Variants in CNTNAP2 observed in about 807,000 individuals in gnomAD.
CNTNAP2 encodes the protein contactin associated protein 2.
A neutral mutation model predicts 155.2 loss-of-function variants in CNTNAP2; 98 were observed. The observed-to-expected ratio is 0.63, with a 90% CI of 0.54 to 0.75. CNTNAP2 has a LOEUF of 0.75. CNTNAP2 is among the 30% of genes least tolerant of loss of function. The pLI, the probability that CNTNAP2 is intolerant of heterozygous loss-of-function variation, is 0.00. For synonymous variants in CNTNAP2, 651 were observed against 631.2 expected, an observed-to-expected ratio of 1.03 and a Z score of -0.47; for missense variants, 1,727 against 1,688.1, an observed-to-expected ratio of 1.02 and a Z score of -0.40.
At chr7:147,037,186 C>G (rs1221440681) in intron 3 of CNTNAP2, among the ~76,000 whole-genome samples, 1 of 151,794 alleles carries the variant, frequency 6.6e-6, no homozygotes. Context: ...AATATGAACA[C>G]TATATTAGAT....
chr7:148,022,694 C>CT (rs34120067), intron 15 of CNTNAP2, among the ~76,000 whole-genome samples: 64,700 of 143,678 alleles, frequency 0.45, 15,360 homozygotes, highest in African/African-American at 0.66. Context: ...TTTTAGTTTG[C>CT]TTTTTTGTTT....
chr7:147,191,983 G>A (rs905631697), intron 8 of CNTNAP2, among the ~76,000 whole-genome samples: 1 of 152,190 alleles, frequency 6.6e-6, no homozygotes, highest in Non-Finnish European at 1.5e-5. Context: ...GGAGTGGGGA[G>A]TGTATATTGT....
At chr7:148,010,876 C>T (rs1376817467) in intron 15 of CNTNAP2, among the ~76,000 whole-genome samples, 1 of 152,080 alleles carries the variant, frequency 6.6e-6, no homozygotes, top group Non-Finnish European at 1.5e-5. Flanking sequence ...GCACAAATTT[C>T]ATACTGTGCT....
At chr7:147,312,029 TG>T (rs1795136718) in intron 9 of CNTNAP2, among the ~76,000 whole-genome samples, 1 of 152,140 alleles carries the variant, frequency 6.6e-6, no homozygotes, top group East Asian at 1.9e-4. Context: ...TCTGGTTCTG[TG>T]GCTTGTTTTC....
At chr7:147,899,657 G>A (rs1033985955) in intron 13 of CNTNAP2, among the ~76,000 whole-genome samples, 2 of 152,062 alleles carry the variant, frequency 1.3e-5, no homozygotes, top group Admixed American at 6.5e-5. Flanking sequence ...GGCCAAGGCG[G>A]GTGGATCACC....
chr7:146,964,744 T>C (rs559273435), intron 3 of CNTNAP2, among the ~76,000 whole-genome samples: 2 of 152,314 alleles, frequency 1.3e-5, no homozygotes, highest in South Asian at 2.1e-4. Flanking sequence ...ACAAGTATTG[T>C]AGGCTTTATC....
Position 148,118,298 on chromosome 7 carries a change from A to G in CNTNAP2, c.2554+10A>G. ...AAGCTGGAGCTGAAGTGTGAGTATA[A>G]GTTGCTTGTCAACTCATGGGGAGCC... On this transcript the variant is annotated intron_variant, in intron 16 of 23. Coordinates refer to ENST00000361727, the MANE Select transcript of CNTNAP2 (RefSeq NM_014141.6). 1 of 1,613,992 alleles carries G rather than the reference A, an allele frequency of 6.2e-7. No individual in the cohort carries two copies. Among genetic ancestry groups the G allele is most frequent in the Non-Finnish European group, 8.5e-7 (1 of 1,179,962 alleles).
intron 5 of CNTNAP2, 31 bp from the exon 6 acceptor site, chr7:147,120,948 C>A: frequency 6.2e-7 from 1 of 1,606,802 alleles, no homozygotes. Flanking sequence ...AGCATCATTG[C>A]ATTGTTTCTT....
Position 147,084,493 on chromosome 7 carries a change from A to G in CNTNAP2, c.551-23654A>G, listed in dbSNP as rs1476792245. Among the ~76,000 whole-genome samples the G allele has an allele frequency of 3.5e-5, 5 of 143,552 alleles. No homozygotes were observed. The Admixed American group carries it at 3.6e-4, about 10-fold the overall frequency. 94.2% of individuals were successfully genotyped at this position (143,552 alleles called of 152,430 possible). On this transcript the variant is annotated intron_variant, in intron 4 of 23. Coordinates refer to ENST00000361727, the MANE Select transcript of CNTNAP2 (RefSeq NM_014141.6). ...GTATATACACATATATGCACATAGC[A>G]TGCTTATAAATGCTCTATATTGTAT...
At chr7:146,472,498 A>T (rs912449262) in intron 1 of CNTNAP2, among the ~76,000 whole-genome samples, 1 of 152,294 alleles carries the variant, frequency 6.6e-6, no homozygotes, top group Non-Finnish European at 1.5e-5. Context: ...AGTTCTAATC[A>T]ATTTTGTTTC....
intron 3 of CNTNAP2, among the ~76,000 whole-genome samples, chr7:146,916,222 G>T (rs956894613): frequency 6.6e-6 from 1 of 152,004 alleles, no homozygotes; most frequent in Admixed American, 6.6e-5. Context: ...TGGTTAGCTA[G>T]TATTTTATCG....
intron 1 of CNTNAP2, among the ~76,000 whole-genome samples, chr7:146,492,241 GAGAGAGAGAGAGAGAGAC>G (rs1797152057): frequency 7.0e-6 from 1 of 143,352 alleles, no homozygotes; most frequent in South Asian, 2.2e-4. Flanking sequence ...GAGAGAGGGG[GAGAGAGAGAGAGAGAGAC>G]AGAGAGAGAG....
intron 3 of CNTNAP2, among the ~76,000 whole-genome samples, chr7:146,867,264 A>G (rs1457462213): frequency 6.6e-6 from 1 of 152,086 alleles, no homozygotes. Context: ...AAGTAGGAAC[A>G]TGTGGTATTT....
intron 15 of CNTNAP2, among the ~76,000 whole-genome samples, chr7:148,049,065 A>T (rs1056864197): frequency 2.0e-5 from 3 of 152,104 alleles, no homozygotes; most frequent in Non-Finnish European, 2.9e-5. Flanking sequence ...TACAAAAAAA[A>T]TTAGCCAGGT....
intron 1 of CNTNAP2, among the ~76,000 whole-genome samples, chr7:146,695,474 G>T (rs1287116841): frequency 6.6e-6 from 1 of 152,132 alleles, no homozygotes; most frequent in Non-Finnish European, 1.5e-5. Flanking sequence ...GAATGCAGTG[G>T]CATGGCCACA....
At chr7:147,305,853 G>A (rs1219872388) in intron 9 of CNTNAP2, among the ~76,000 whole-genome samples, 2 of 152,112 alleles carry the variant, frequency 1.3e-5, no homozygotes, top group African/African-American at 4.8e-5. Flanking sequence ...GGTGTCTGAA[G>A]GCCCCAGGGG....
At chr7:147,001,350 C>T (rs1259497424) in intron 3 of CNTNAP2, among the ~76,000 whole-genome samples, 1 of 151,850 alleles carries the variant, frequency 6.6e-6, no homozygotes, top group African/African-American at 2.4e-5. Context: ...TCTTAATGTC[C>T]TTTTTCTATT....
intron 2 of CNTNAP2, among the ~76,000 whole-genome samples, chr7:146,803,777 G>C (rs1563237673): frequency 6.6e-6 from 1 of 152,222 alleles, no homozygotes; most frequent in African/African-American, 2.4e-5. Context: ...TCAGATGTGT[G>C]TTAAAATGTA....
chr7:146,427,980 A>G (rs1796117259), intron 1 of CNTNAP2, among the ~76,000 whole-genome samples: 1 of 152,156 alleles, frequency 6.6e-6, no homozygotes, highest in South Asian at 2.1e-4. Context: ...CGTATGCGTG[A>G]GAACATGTGG....
Sources: allele counts gnomAD v4.1 joint callset (sites outside exome capture counted in the v4.1 genomes callset), GRCh38; gene constraint gnomAD v4.1.1; transcripts MANE v1.5; gene names NCBI Gene and HGNC (gene_info 2026-07-23, HGNC 2026-07-21).